Variants in MID1 observed in about 807,000 individuals in gnomAD.
The protein encoded by MID1 is E3 ubiquitin-protein ligase Midline-1.
MID1 carries 7 observed loss-of-function variants against 40.4 expected under a neutral mutation model. The observed-to-expected ratio is 0.17, with a 90% CI of 0.10 to 0.33. The LOEUF (loss-of-function observed/expected upper bound fraction) is 0.33. MID1 is among the 10% of genes least tolerant of loss of function. The pLI is 1.00. For missense variants in MID1, 367 were observed against 558.5 expected, an observed-to-expected ratio of 0.66 and a Z score of 3.46; for synonymous variants, 229 against 221.2, an observed-to-expected ratio of 1.04 and a Z score of -0.31.
chrX:10,827,022 T>G (rs995075389), intron 1 of MID1, among the ~76,000 whole-genome samples: 6 of 111,811 alleles, frequency 5.4e-5, no homozygotes. Flanking sequence ...AAGAAATCCA[T>G]GACAAAGCAG....
At chrX:10,639,211 T>C (rs1936158616) in intron 1 of MID1, among the ~76,000 whole-genome samples, 1 of 111,202 alleles carries the variant, frequency 9.0e-6, no homozygotes, top group Non-Finnish European at 1.9e-5. Flanking sequence ...ATAACAAACT[T>C]CTCCGAGCTA....
chrX:10,694,819 T>C (rs928275988), intron 1 of MID1, among the ~76,000 whole-genome samples: 2 of 112,196 alleles, frequency 1.8e-5, no homozygotes, highest in African/African-American at 6.5e-5. Flanking sequence ...TCTGACATAA[T>C]TGACTCCATC....
chrX:10,636,785 G>GATATATATATAGATATATATATATATAT (rs1936118582), intron 1 of MID1, among the ~76,000 whole-genome samples: 1 of 42,706 alleles, frequency 2.3e-5, no homozygotes, highest in East Asian at 5.0e-4. Flanking sequence ...CAACAATGGG[G>GATATATATATAGATATATATATATATAT]ATATATATAT....
chrX:10,566,840 T>C (rs768760155), intron 2 of MID1, 48 bp downstream of exon 2: 1 of 1,168,830 alleles, frequency 8.6e-7, no homozygotes, highest in Admixed American at 2.2e-5. Flanking sequence ...TTTATTTCCA[T>C]GACATTTTCT....
intron 4 of MID1, among the ~76,000 whole-genome samples, chrX:10,483,231 C>CA (rs1169568736): frequency 1.8e-5 from 2 of 111,300 alleles, no homozygotes; most frequent in African/African-American, 3.3e-5. Flanking sequence ...GAGAGAAAGC[C>CA]AAAAAAAGCA....
intron 1 of MID1, among the ~76,000 whole-genome samples, chrX:10,571,538 C>T (rs1211538982): frequency 1.0e-5 from 1 of 96,401 alleles, no homozygotes; most frequent in Non-Finnish European, 2.1e-5. Flanking sequence ...TACTTAAGTT[C>T]ATCTATGTAC....
rs188251398 is a variant in MID1, at chrX:10,685,182, A to G, written c.-186-64763T>C. ...CATGTAAATTCCCATTTCAATGGCCATAATAGTTCATTATACTATAAAGTA... is the reference window on the plus strand; with the variant it reads ...CATGTAAATTCCCATTTCAATGGCCGTAATAGTTCATTATACTATAAAGTA... On this transcript the variant is annotated intron_variant, in intron 1 of 10. Coordinates refer to the MID1 transcript ENST00000380785. Among the ~76,000 whole-genome samples, 10 of 112,137 alleles carry G rather than the reference A, an allele frequency of 8.9e-5. No homozygotes were observed. In the East Asian group the frequency reaches 2.8e-3, roughly 31 times the overall value.
chrX:10,700,049 C>T lies in MID1; in HGVS notation c.-186-79630G>A, dbSNP rs190560028. ...GTTGGTCAGGCTGGTCTCGAACTCC[C>T]GACCTCAGGTAATCTGCCTGCCTTG... On this transcript the variant is annotated intron_variant, in intron 1 of 10. Coordinates refer to the MID1 transcript ENST00000380785. 4.4e-3 allele frequency among the ~76,000 whole-genome samples: 481 copies of T among 110,199 alleles called. 2 individuals are homozygous for T. The highest frequency in any genetic ancestry group is 0.015 in the African/African-American group (455 of 30,249).
At chrX:10,699,147 C>CT (rs946516255) in intron 1 of MID1, among the ~76,000 whole-genome samples, 14 of 111,375 alleles carry the variant, frequency 1.3e-4, no homozygotes, top group African/African-American at 2.6e-4. Flanking sequence ...TCCTTTTAAT[C>CT]TTTTTTTTCA....
intron 1 of MID1, among the ~76,000 whole-genome samples, chrX:10,802,526 TG>T (rs1343679445): frequency 8.9e-6 from 1 of 111,995 alleles, no homozygotes; most frequent in African/African-American, 3.3e-5. Context: ...CAACAGATAC[TG>T]GCAAGGCTGC....
rs1319481627 is a variant in MID1 at position 10,776,146 on chromosome X, T to C, written c.-187+57408A>G. Among the ~76,000 whole-genome samples the C allele has an allele frequency of 2.7e-5, 3 of 112,198 alleles. No homozygotes were observed. The East Asian group carries it at 8.4e-4, about 31-fold the overall frequency. ...ACCATAAATTGCTCTTACGTAGCAGTTTGTGCCTTTTTGTCTGTTTGATCT... is the reference window on the plus strand; with the variant it reads ...ACCATAAATTGCTCTTACGTAGCAGCTTGTGCCTTTTTGTCTGTTTGATCT... On this transcript the variant is annotated intron_variant, in intron 1 of 10. Transcript: ENST00000380785.
At chrX:10,610,618 C>T (rs985666044) in intron 1 of MID1, among the ~76,000 whole-genome samples, 2 of 111,466 alleles carry the variant, frequency 1.8e-5, no homozygotes, top group Non-Finnish European at 3.8e-5. Context: ...CATTTGCCTA[C>T]AACAAGCAGA....
chrX:10,459,994 A>C, intron 7 of MID1, 187 bp from the exon 8 acceptor site: 1 of 490,420 alleles, frequency 2.0e-6, no homozygotes. Flanking sequence ...TGCCTCCAAA[A>C]TTCTCCCTGC....
Position 10,508,606 on chromosome X carries a change from C to T in MID1, c.757-12915G>A, listed in dbSNP as rs915281160. On this transcript the variant is annotated intron_variant, in intron 3 of 9. Coordinates refer to ENST00000317552, the MANE Select transcript of MID1 (RefSeq NM_000381.4). ...TGCCAAATATGAAGGAGAGACTGGT[C>T]TTTGGAGATCAGAGTAGGCAAGACA... Among the ~76,000 whole-genome samples the T allele has an allele frequency of 1.5e-4, 17 of 111,442 alleles. No homozygotes were observed. The South Asian group carries it at 4.2e-3, about 28-fold the overall frequency.
At chrX:10,654,858 C>A (rs931765824) in intron 1 of MID1, among the ~76,000 whole-genome samples, 1 of 112,339 alleles carries the variant, frequency 8.9e-6, no homozygotes, top group African/African-American at 3.2e-5. Flanking sequence ...GAAAACTCAG[C>A]CTGATTCATT....
rs577922425 is a variant in MID1, at chrX:10,570,500, C to T, written c.-56-2897G>A. ...AGATTTTGCTTTGCTCTTTGAAGAACGTACCACCAACACCTAGAACAGCAC... is the reference window on the plus strand; with the variant it reads ...AGATTTTGCTTTGCTCTTTGAAGAATGTACCACCAACACCTAGAACAGCAC... On this transcript the variant is annotated intron_variant, in intron 1 of 9. Coordinates refer to ENST00000317552, the MANE Select transcript of MID1 (RefSeq NM_000381.4). Among the ~76,000 whole-genome samples, 5 of 112,444 alleles carry T rather than the reference C, an allele frequency of 4.4e-5. No homozygotes were observed. In the South Asian group the frequency reaches 1.8e-3, roughly 41 times the overall value.
chrX:10,821,929 C>T (rs778708758), intron 1 of MID1, among the ~76,000 whole-genome samples: 2 of 111,228 alleles, frequency 1.8e-5, no homozygotes, highest in African/African-American at 6.5e-5. Context: ...GGGAGATGGG[C>T]TTGGCTGGAG....
At chrX:10,520,176 G>A (rs56269762) in intron 3 of MID1, among the ~76,000 whole-genome samples, 4,090 of 111,336 alleles carry the variant, frequency 0.037, 186 homozygotes, top group African/African-American at 0.13. Flanking sequence ...AATTGTATTC[G>A]CATTTTTTTC....
At chrX:10,495,718 T>C (rs960155312) in intron 3 of MID1, 27 bp from the exon 4 acceptor site, 5 of 1,060,603 alleles carry the variant, frequency 4.7e-6, no homozygotes, top group Non-Finnish European at 5.3e-6. Flanking sequence ...ATGGTAAGTG[T>C]TAATTTGGCC....
Sources: allele counts gnomAD v4.1 joint callset (sites outside exome capture counted in the v4.1 genomes callset), GRCh38; gene constraint gnomAD v4.1.1; transcripts MANE v1.5; gene names NCBI Gene and HGNC (gene_info 2026-07-23, HGNC 2026-07-21).